The following CDC73 variants were observed in gnomAD, a reference collection of about 807,000 sequenced individuals.
The protein encoded by CDC73 is cell division cycle 73.
A neutral mutation model predicts 83.7 loss-of-function variants in CDC73; 21 were observed. That is an observed-to-expected ratio of 0.25 (90% CI 0.18 to 0.36). The LOEUF is 0.36. CDC73 is among the 10% of genes least tolerant of loss of function. The pLI is 1.00. For synonymous variants in CDC73, 224 were observed against 212.9 expected, an observed-to-expected ratio of 1.05 and a Z score of -0.45; for missense variants, 342 against 653.3, an observed-to-expected ratio of 0.52 and a Z score of 5.19.
At chr1:193,132,639 A>AT (rs1391170141) in intron 3 of CDC73, among the ~76,000 whole-genome samples, 3 of 151,204 alleles carry the variant, frequency 2.0e-5, no homozygotes, top group Non-Finnish European at 4.4e-5. Flanking sequence ...ATCAAAGCAA[A>AT]TTTGATTCTT....
intron 15 of CDC73, among the ~76,000 whole-genome samples, chr1:193,238,481 T>G (rs946313346): frequency 2.0e-5 from 3 of 152,358 alleles, no homozygotes; most frequent in African/African-American, 7.2e-5. Context: ...TTGATTCTGT[T>G]GACTCCTTTA....
chr1:193,173,673 T>C (rs1420574945), intron 10 of CDC73, among the ~76,000 whole-genome samples: 1 of 152,208 alleles, frequency 6.6e-6, no homozygotes, highest in Non-Finnish European at 1.5e-5. Flanking sequence ...TTTGTGCCAT[T>C]GGTGCATTTG....
At chr1:193,154,764 G>A (rs1187621060) in intron 10 of CDC73, among the ~76,000 whole-genome samples, 1 of 152,074 alleles carries the variant, frequency 6.6e-6, no homozygotes. Context: ...TCAGACTTAC[G>A]TTTTCAATTT....
chr1:193,182,700 G>T (rs1427878226), intron 10 of CDC73, among the ~76,000 whole-genome samples: 1 of 152,100 alleles, frequency 6.6e-6, no homozygotes, highest in Non-Finnish European at 1.5e-5. Flanking sequence ...AACTGGTTAT[G>T]TTATCTTGCA....
At chr1:193,176,086 A>G (rs1355943997) in intron 10 of CDC73, among the ~76,000 whole-genome samples, 1 of 152,190 alleles carries the variant, frequency 6.6e-6, no homozygotes, top group East Asian at 1.9e-4. Context: ...ACAAATTTTA[A>G]ATGTTAAGCA....
At chr1:193,162,591 A>G (rs1160340917) in intron 10 of CDC73, among the ~76,000 whole-genome samples, 1 of 151,292 alleles carries the variant, frequency 6.6e-6, no homozygotes, top group Non-Finnish European at 1.5e-5. Context: ...CTGGTCTCGA[A>G]CTCCTGACCT....
intron 10 of CDC73, among the ~76,000 whole-genome samples, chr1:193,175,527 C>T (rs1676585944): frequency 6.6e-6 from 1 of 152,150 alleles, no homozygotes; most frequent in Non-Finnish European, 1.5e-5. Context: ...TAACCAACTG[C>T]CGATCGAAAA....
At chr1:193,192,263 C>G (rs1470505045) in intron 10 of CDC73, among the ~76,000 whole-genome samples, 3 of 152,048 alleles carry the variant, frequency 2.0e-5, no homozygotes, top group Admixed American at 2.0e-4. Flanking sequence ...GCTGACATGG[C>G]AAAACCCCAT....
At chr1:193,215,633 AGGCTGGAGTGCAGT>A (rs1677354910) in intron 13 of CDC73, among the ~76,000 whole-genome samples, 1 of 151,504 alleles carries the variant, frequency 6.6e-6, no homozygotes, top group Admixed American at 6.6e-5. Context: ...TCTGTCACAC[AGGCTGGAGTGCAGT>A]GGTGTGATCT....
At chr1:193,190,764 C>T (rs1676905281) in intron 10 of CDC73, among the ~76,000 whole-genome samples, 1 of 152,162 alleles carries the variant, frequency 6.6e-6, no homozygotes, top group Non-Finnish European at 1.5e-5. Context: ...CTTTATTATG[C>T]TTGTGTATTC....
chr1:193,144,868 C>A lies in CDC73; in HGVS notation c.729+2802C>A, dbSNP rs1264446677. Among the ~76,000 whole-genome samples the A allele has an allele frequency of 2.0e-5, 3 of 149,736 alleles. No individual in the cohort carries two copies. The South Asian group carries it at 6.3e-4, about 32-fold the overall frequency. On this transcript the variant is annotated intron_variant, in intron 7 of 16. Transcript: ENST00000367435. ...AATAAATTTGTTCCTTGAAGGAAAGCAACTGATAGTATTTGTTGCCAATGA... is the reference window on the plus strand; with the variant it reads ...AATAAATTTGTTCCTTGAAGGAAAGAAACTGATAGTATTTGTTGCCAATGA...
At chr1:193,175,223 A>G (rs544219572) in intron 10 of CDC73, among the ~76,000 whole-genome samples, 213 of 152,296 alleles carry the variant, frequency 1.4e-3, no homozygotes, top group African/African-American at 5.0e-3. Flanking sequence ...TTATGGCTGT[A>G]ATATTGGCAA....
chr1:193,237,017 C>G (rs1443876554), intron 15 of CDC73: 2 of 149,218 alleles, frequency 1.3e-5, no homozygotes, highest in Admixed American at 1.3e-4. Flanking sequence ...GATCTCAGCT[C>G]ACTGCAAGCT....
chr1:193,214,896 G>A (rs1043633734), intron 13 of CDC73, among the ~76,000 whole-genome samples: 1 of 152,184 alleles, frequency 6.6e-6, no homozygotes, highest in African/African-American at 2.4e-5. Context: ...GGAGATTGAT[G>A]TGTATATTGG....
intron 10 of CDC73, chr1:193,181,240 C>T (rs969040425): frequency 6.2e-7 from 1 of 1,613,872 alleles, no homozygotes; most frequent in African/African-American, 1.3e-5. Flanking sequence ...GCCTGTAACT[C>T]CTTGTGGTGA....
chr1:193,152,458 G>T lies in CDC73; in HGVS notation c.972+14G>T, dbSNP rs1676131155. On this transcript the variant is annotated intron_variant, in intron 10 of 16. Coordinates refer to ENST00000367435, the MANE Select transcript of CDC73 (RefSeq NM_024529.5). ...AAATCTGTAACGGTAAGTTAATTTG[G>T]CTGTAGATGTTCTTTTGTTCCAGGG... The T allele has an allele frequency of 1.3e-6, 2 of 1,562,404 alleles. No homozygotes were observed. Among genetic ancestry groups the T allele is most frequent in the Admixed American group, 1.7e-5 (1 of 59,904 alleles).
chr1:193,253,591 G>GT lies in CDC73; in HGVS notation c.*2886dup, dbSNP rs1223908229. On this transcript the variant is annotated 3_prime_UTR_variant, in exon 17 of 17. Transcript: ENST00000367435. ...TCATTATTAACTAGTATTATAGTTT[G>GT]TTTTTTTCCCATGTCTCCATAACTT... is the stretch of plus-strand genomic sequence containing the variant. 1 of 231,566 alleles carries GT rather than the reference G, an allele frequency of 4.3e-6. No individual in the cohort carries two copies. The highest frequency in any genetic ancestry group is 8.5e-6 in the Non-Finnish European group (1 of 117,180). 14.3% of individuals were successfully genotyped at this position (231,566 alleles called of 1,614,324 possible). A position where few individuals can be genotyped will look rare whatever the true frequency, so the allele number is the denominator to read the frequency against.
At chr1:193,131,774 T>A (rs1037854508) in intron 3 of CDC73, among the ~76,000 whole-genome samples, 14 of 152,228 alleles carry the variant, frequency 9.2e-5, no homozygotes, top group African/African-American at 3.4e-4. Flanking sequence ...CATTTAGATC[T>A]GTGCTCAAGT....
chr1:193,130,394 A>T, intron 3 of CDC73, 151 bp downstream of exon 3: 1 of 689,514 alleles, frequency 1.5e-6, no homozygotes, highest in Non-Finnish European at 2.6e-6. Context: ...TTTCTTATAC[A>T]GTGGATGCAC....
Sources: allele counts gnomAD v4.1 joint callset (sites outside exome capture counted in the v4.1 genomes callset), GRCh38; gene constraint gnomAD v4.1.1; transcripts MANE v1.5; gene names NCBI Gene and HGNC (gene_info 2026-07-23, HGNC 2026-07-21).